The following ABCA9 variants were observed in gnomAD, a reference collection of about 807,000 sequenced individuals.
ABCA9 encodes the protein ATP binding cassette subfamily A member 9.
Under a neutral mutation model 205.3 loss-of-function variants are expected in ABCA9, and 183 were observed. That is an observed-to-expected ratio of 0.89 (90% CI 0.79 to 1.01). The LOEUF is 1.01. ABCA9 is among the 50% of genes least tolerant of loss of function. ABCA9 has a pLI of 0.00. For synonymous variants in ABCA9, 651 were observed against 683.3 expected (o/e 0.95, Z 0.74); for missense variants, 1,805 against 1,912.4 (o/e 0.94, Z 1.05).
At position 68,983,843 on chromosome 17, in the gene ABCA9, A is replaced by G; in HGVS notation, c.4506T>C (p.Ile1502=). The change falls in exon 36 of 39, where the codon ATT becomes ATC. Residue 1502 remains isoleucine (I), a synonymous_variant. Transcript: ENST00000340001. ...TGCTTTTCAGGTGTTGGATGGAACC[A>G]ATACATCTGAAGGTAACAGAAGGAT... ...AIMVSGRLRC[I]GSIQHLKSKF... 1 of 1,614,210 alleles carries G rather than the reference A, an allele frequency of 6.2e-7. No individual in the cohort carries two copies. Among genetic ancestry groups the G allele is most frequent in the African/African-American group, 1.3e-5 (1 of 75,058 alleles).
At chr17:69,020,153 G>A (rs2070765102) in intron 19 of ABCA9, among the ~76,000 whole-genome samples, 1 of 151,924 alleles carries the variant, frequency 6.6e-6, no homozygotes, top group South Asian at 2.1e-4. Context: ...TCAACCCATT[G>A]GTAAAAACAA....
rs2070770913 is a variant in ABCA9, at chr17:69,020,385, C to G, written c.2600+3G>C. Reference sequence around the variant, plus strand: ...AACAAATCTGAAACACTCAGATACTCACATAGTCCACAGGCTTTTTCTTTC... The same window carrying G: ...AACAAATCTGAAACACTCAGATACTGACATAGTCCACAGGCTTTTTCTTTC... On this transcript the variant is annotated splice_donor_region_variant and intron_variant, in intron 19 of 38. Transcript: ENST00000340001. The G allele has an allele frequency of 1.2e-6, 2 of 1,610,314 alleles. No homozygotes were observed.
intron 29 of ABCA9, 25 bp downstream of exon 29, chr17:68,990,812 G>T: frequency 6.3e-7 from 1 of 1,593,686 alleles, no homozygotes; most frequent in Non-Finnish European, 8.5e-7. Context: ...AAAAATAGTT[G>T]ACGAAGAACA....
In ABCA9 at chr17:68,984,883, A is replaced by G. The variant is rs2143971072; in HGVS notation, c.4379+2T>C. On this transcript the variant is annotated splice_donor_variant, in intron 34 of 38. Coordinates refer to ENST00000340001, the MANE Select transcript of ABCA9 (RefSeq NM_080283.4). LOFTEE classifies it high-confidence loss of function. ...CAGAGGTTGCTCATGATAGCACCTC[A>G]CCACATTTGCTGCTGCCCCTCGGGG... is the stretch of plus-strand genomic sequence containing the variant. The G allele has an allele frequency of 1.2e-6, 2 of 1,614,182 alleles. No homozygotes were observed. Among genetic ancestry groups the G allele is most frequent in the East Asian group, 2.2e-5 (1 of 44,874 alleles).
At chr17:68,980,622 A>G (rs1374992483) in intron 37 of ABCA9, among the ~76,000 whole-genome samples, 2 of 152,106 alleles carry the variant, frequency 1.3e-5, no homozygotes, top group African/African-American at 4.8e-5. Flanking sequence ...TGATGAGTTC[A>G]TGTCCTTTGT....
chr17:69,012,867 ATTCCCACTCCCT>A (rs1284778536), intron 22 of ABCA9, among the ~76,000 whole-genome samples: 30 of 152,100 alleles, frequency 2.0e-4, no homozygotes, highest in Non-Finnish European at 1.5e-5. Flanking sequence ...CCTATTAACC[ATTCCCACTCCCT>A]TTCCCAGCCT....
At position 69,056,693 on chromosome 17, in the gene ABCA9, C is replaced by T. The variant is rs1357954654; in HGVS notation, c.-14+4173G>A. Among the ~76,000 whole-genome samples the T allele has an allele frequency of 2.0e-5, 3 of 152,284 alleles. No homozygotes were observed. The East Asian group carries it at 5.8e-4, about 29-fold the overall frequency. The stretch of plus-strand genomic sequence containing the variant: ...CTTTGTTCTGTATCTTTCAACTCCT[C>T]GTCCTTCATCCCCTGGGATATTTAC... On this transcript the variant is annotated intron_variant, in intron 1 of 38. Transcript: ENST00000340001.
At chr17:69,053,501 T>C (rs1315617887) in intron 1 of ABCA9, among the ~76,000 whole-genome samples, 1 of 152,088 alleles carries the variant, frequency 6.6e-6, no homozygotes, top group East Asian at 1.9e-4. Flanking sequence ...AGAAAGGAGA[T>C]AAAACTTCTA....
Position 69,051,101 on chromosome 17 carries a change from C to T in ABCA9, c.26G>A (p.Gly9Asp). 1 of 1,613,626 alleles carries T rather than the reference C, an allele frequency of 6.2e-7. No homozygotes were observed. Among genetic ancestry groups the T allele is most frequent in the Non-Finnish European group, 8.5e-7 (1 of 1,179,806 alleles). Reference protein sequence around the residue: MSKRRMSVGQQTWALLCKN... With the variant: MSKRRMSVDQQTWALLCKN... The stretch of plus-strand genomic sequence containing the variant: ...GCAGAGAAGAGCCCATGTTTGCTGA[C>T]CCACGCTCATGCGTCTCTTGCTCAT... Residue 9 changes from glycine (G) to aspartate (D), a missense_variant, in exon 2 of 39, where the codon GGT (glycine) becomes GAT (aspartate). Physicochemically the swap from Gly to Asp is moderately conservative, Grantham distance 94 (BLOSUM62 -1). Coordinates refer to ENST00000340001, the MANE Select transcript of ABCA9 (RefSeq NM_080283.4).
chr17:69,022,763 C>T (rs2070864135), intron 17 of ABCA9, among the ~76,000 whole-genome samples: 1 of 152,070 alleles, frequency 6.6e-6, no homozygotes, highest in Non-Finnish European at 1.5e-5. Context: ...AACTTCTGAC[C>T]ATGGTGTGAA....
intron 20 of ABCA9, 80 bp from the exon 21 acceptor site, chr17:69,017,869 A>T (rs1255507330): frequency 6.8e-7 from 1 of 1,473,784 alleles, no homozygotes; most frequent in Non-Finnish European, 9.4e-7. Flanking sequence ...ATTACATCAC[A>T]CAAAGCATAT....
chr17:69,054,699 T>A (rs929781521), intron 1 of ABCA9, among the ~76,000 whole-genome samples: 3 of 151,990 alleles, frequency 2.0e-5, no homozygotes, highest in Non-Finnish European at 1.5e-5. Context: ...TGTTTATATA[T>A]GTATATAATG....
intron 23 of ABCA9, among the ~76,000 whole-genome samples, chr17:69,010,350 TAGAAAGAACAGA>T (rs2070326793): frequency 1.3e-5 from 2 of 151,900 alleles, no homozygotes; most frequent in Admixed American, 1.3e-4. Flanking sequence ...AAGCCAGCTG[TAGAAAGAACAGA>T]AGAAAGAGCA....
chr17:69,019,196 T>C (rs954955240), intron 19 of ABCA9, among the ~76,000 whole-genome samples: 4 of 152,140 alleles, frequency 2.6e-5, no homozygotes. Flanking sequence ...TTTGTTTTCA[T>C]TGTCTCCATA....
At chr17:69,055,279 C>T (rs2072034825) in intron 1 of ABCA9, among the ~76,000 whole-genome samples, 1 of 152,046 alleles carries the variant, frequency 6.6e-6, no homozygotes, top group South Asian at 2.1e-4. Context: ...TATAAAGACA[C>T]ATATAGATTA....
intron 1 of ABCA9, among the ~76,000 whole-genome samples, chr17:69,053,097 C>A (rs748191915): frequency 5.3e-5 from 8 of 152,122 alleles, no homozygotes; most frequent in Non-Finnish European, 1.0e-4. Flanking sequence ...GTGGAGACTT[C>A]TTTACATGGG....
intron 25 of ABCA9, among the ~76,000 whole-genome samples, chr17:68,996,497 T>A (rs1159340607): frequency 6.6e-6 from 1 of 152,224 alleles, no homozygotes; most frequent in Non-Finnish European, 1.5e-5. Context: ...TAGGTCTTTA[T>A]GTATGGACAC....
chr17:69,010,366 A>C (rs1351616478), intron 23 of ABCA9, among the ~76,000 whole-genome samples: 1 of 152,106 alleles, frequency 6.6e-6, no homozygotes, highest in African/African-American at 2.4e-5. Flanking sequence ...GAACAGAAGA[A>C]AGAGCATTCC....
chr17:69,018,524 C>A lies in ABCA9; in HGVS notation c.2656G>T (p.Glu886Ter). 1 of 1,606,712 alleles carries A rather than the reference C, an allele frequency of 6.2e-7. No individual in the cohort carries two copies. Among genetic ancestry groups the A allele is most frequent in the Non-Finnish European group, 8.5e-7 (1 of 1,176,934 alleles). ...IPQLLEHLFY[E>*]SYQKSYPWEL... ...CACGGGTAACTTTTCTGATATGACT[C>A]GTAGAATAGATGTTCCAAAAGTTGA... is the stretch of plus-strand genomic sequence containing the variant. The change falls in exon 20 of 39, where the codon GAG (glutamate) becomes TAG (stop). Residue 886 changes from glutamate to a stop codon, truncating the protein, a stop_gained. Coordinates refer to ENST00000340001, the MANE Select transcript of ABCA9 (RefSeq NM_080283.4). LOFTEE classifies it high-confidence loss of function.
Sources: allele counts gnomAD v4.1 joint callset (sites outside exome capture counted in the v4.1 genomes callset), GRCh38; gene constraint gnomAD v4.1.1; transcripts MANE v1.5; gene names NCBI Gene and HGNC (gene_info 2026-07-23, HGNC 2026-07-21).